Variants in PROSER2 observed in about 807,000 individuals in gnomAD.
PROSER2 encodes proline and serine rich 2, also known as proline and serine-rich protein 2.
Under a neutral mutation model 14.6 loss-of-function variants are expected in PROSER2, and 18 were observed. The ratio of observed to expected loss-of-function variants is 1.23; its 90% CI spans 0.85 to 1.83. The LOEUF (loss-of-function observed/expected upper bound fraction) is 1.83, where lower values mean the gene tolerates loss of function less well. Ranked by LOEUF, PROSER2 falls within the 40% of genes most tolerant of loss-of-function variation. The pLI is 0.00. For missense variants in PROSER2, 823 were observed against 629.8 expected (o/e 1.31, Z -3.28); for synonymous variants, 367 against 286.4 (o/e 1.28, Z -2.84).
Position 11,856,784 on chromosome 10 carries a change from A to G in PROSER2, c.138+4569A>G, listed in dbSNP as rs1374606835. Among the ~76,000 whole-genome samples, 3 of 152,206 alleles carry G rather than the reference A, an allele frequency of 2.0e-5. No individual in the cohort carries two copies. The highest frequency in any genetic ancestry group is 4.4e-5 in the Non-Finnish European group (3 of 68,040). ...CCCACACATGGCTCATGGACTAAGAAGGCATGGCAAGCACTGGGGGGCTTC... is the reference window on the plus strand; with the variant it reads ...CCCACACATGGCTCATGGACTAAGAGGGCATGGCAAGCACTGGGGGGCTTC... On this transcript the variant is annotated intron_variant, in intron 2 of 3. Coordinates refer to ENST00000277570, the MANE Select transcript of PROSER2 (RefSeq NM_153256.4). The surrounding 1 kb of genome is among the most constrained non-coding windows in gnomAD (Gnocchi z 5.3).
intron 1 of PROSER2, among the ~76,000 whole-genome samples, chr10:11,845,456 CCT>C (rs1443032788): frequency 2.7e-5 from 4 of 149,572 alleles, no homozygotes; most frequent in African/African-American, 9.7e-5. Flanking sequence ...CATCAGAATT[CCT>C]CTGTCTGTGA....
rs1438398739 is a variant in PROSER2, at chr10:11,868,622, G to A, written c.392-868G>A. 4.0e-5 allele frequency among the ~76,000 whole-genome samples: 6 copies of A among 150,314 alleles called. No homozygotes were observed. In the South Asian group the frequency reaches 8.4e-4, roughly 21 times the overall value. ...AGTACAGAAGAACATAAAAAGATAT[G>A]AATTTCAGGTTTTTTGTTTTTTGTT... On this transcript the variant is annotated intron_variant, in intron 3 of 3. Transcript: ENST00000277570.
At chr10:11,852,764 C>T (rs1472591837) in intron 2 of PROSER2, among the ~76,000 whole-genome samples, 1 of 151,072 alleles carries the variant, frequency 6.6e-6, no homozygotes, top group African/African-American at 2.4e-5. Context: ...TCTCGAACTC[C>T]GCCCACCTCA....
chr10:11,842,931 CTTTTTTTTTTTTT>C (rs558283551), intron 1 of PROSER2, among the ~76,000 whole-genome samples: 11 of 51,954 alleles, frequency 2.1e-4, no homozygotes, highest in East Asian at 5.3e-4. Context: ...TGCCATTGTT[CTTTTTTTTTTTTT>C]TTTTTTTTTT....
Position 11,837,296 on chromosome 10 carries a change from AAG to A in PROSER2, c.-82+13828_-82+13829del, listed in dbSNP as rs1833775373. 6.6e-6 allele frequency among the ~76,000 whole-genome samples: 1 copy of A among 152,206 alleles called. No homozygotes were observed. Among genetic ancestry groups the A allele is most frequent in the African/African-American group, 2.4e-5 (1 of 41,466 alleles). On this transcript the variant is annotated intron_variant, in intron 1 of 3. Coordinates refer to ENST00000277570, the MANE Select transcript of PROSER2 (RefSeq NM_153256.4). This position sits in a 1 kb window ranked among gnomAD's most constrained non-coding sequence, Gnocchi z 4.6. ...GTCTGTGAAGGTGTGAAGAAGGAAA[AAG>A]AAATTTATATTAGTTTTGCTGTCAC... is the stretch of plus-strand genomic sequence containing the variant.
At chr10:11,860,318 G>A (rs1010275737) in intron 2 of PROSER2, among the ~76,000 whole-genome samples, 14 of 152,170 alleles carry the variant, frequency 9.2e-5, no homozygotes, top group African/African-American at 3.1e-4. Context: ...AACTGGCTCG[G>A]TGAAAATGGA....
chr10:11,834,178 A>T (rs1393148803), intron 1 of PROSER2, among the ~76,000 whole-genome samples: 1 of 150,802 alleles, frequency 6.6e-6, no homozygotes, highest in Non-Finnish European at 1.5e-5. Context: ...TATTTTTAGT[A>T]AAGACAGGGT....
At chr10:11,864,218 C>T (rs1157664408) in intron 2 of PROSER2, among the ~76,000 whole-genome samples, 4 of 152,122 alleles carry the variant, frequency 2.6e-5, no homozygotes, top group African/African-American at 4.8e-5. Context: ...ACAATTTATC[C>T]GGGTTTTGAG....
intron 1 of PROSER2, among the ~76,000 whole-genome samples, chr10:11,840,590 A>G (rs1466435559): frequency 6.6e-6 from 1 of 151,580 alleles, no homozygotes; most frequent in Non-Finnish European, 1.5e-5. Flanking sequence ...CCTTTCTCAT[A>G]TATTCTTTGG....
At chr10:11,861,643 G>C (rs1834240711) in intron 2 of PROSER2, among the ~76,000 whole-genome samples, 1 of 152,182 alleles carries the variant, frequency 6.6e-6, no homozygotes, top group African/African-American at 2.4e-5. Flanking sequence ...ACAAACCATA[G>C]CCTGTGGCCC....
chr10:11,829,521 A>C (rs1020139134), intron 1 of PROSER2, among the ~76,000 whole-genome samples: 1 of 151,906 alleles, frequency 6.6e-6, no homozygotes, highest in Non-Finnish European at 1.5e-5. Context: ...GGTTGAGGCT[A>C]CAGTGAGCTG....
Position 11,847,810 on chromosome 10 carries a change from T to G in PROSER2, c.-81-4187T>G, listed in dbSNP as rs187954876. Among the ~76,000 whole-genome samples the G allele has an allele frequency of 3.4e-3, 525 of 152,378 alleles. 3 individuals carry two copies. The highest frequency in any genetic ancestry group is 6.8e-3 in the Middle Eastern group (2 of 294). On this transcript the variant is annotated intron_variant, in intron 1 of 3. Coordinates refer to ENST00000277570, the MANE Select transcript of PROSER2 (RefSeq NM_153256.4). ...ACGTCAGCCACTAAAACTCTAAAAC[T>G]TCGTGGATTCTTTCTCTTTGATCTC...
Position 11,871,665 on chromosome 10 carries a change from C to CGTT in PROSER2, c.*1260_*1262dup, listed in dbSNP as rs1444423153. The CGTT allele has an allele frequency of 6.6e-6, 1 of 152,168 alleles. No homozygotes were observed. The highest frequency in any genetic ancestry group is 1.5e-5 in the Non-Finnish European group (1 of 68,034). The allele number at this position is 152,168 out of a possible 1,614,324, so 9.4% of individuals were successfully genotyped here. ...CTTACACGCTGAGTTATGCCACAAG[C>CGTT]GTTATCATCAAAACTATTTAAGGCT... On this transcript the variant is annotated 3_prime_UTR_variant, in exon 4 of 4. Coordinates refer to ENST00000277570, the MANE Select transcript of PROSER2 (RefSeq NM_153256.4).
At chr10:11,849,186 CA>C (rs907565610) in intron 1 of PROSER2, among the ~76,000 whole-genome samples, 4 of 142,914 alleles carry the variant, frequency 2.8e-5, no homozygotes, top group Admixed American at 2.1e-4. Context: ...AACTCCGTCT[CA>C]AAAAAAAAAC....
At chr10:11,864,817 G>A (rs1190676693) in intron 2 of PROSER2, among the ~76,000 whole-genome samples, 1 of 152,080 alleles carries the variant, frequency 6.6e-6, no homozygotes, top group Non-Finnish European at 1.5e-5. Context: ...TCGAACTCTG[G>A]AGCTCGAGTG....
rs758849694 is a variant in PROSER2 at position 11,869,814 on chromosome 10, G to A, written c.716G>A (p.Gly239Asp). 24 of 1,563,652 alleles carry A rather than the reference G, an allele frequency of 1.5e-5. No homozygotes were observed. Among genetic ancestry groups the A allele is most frequent in the Non-Finnish European group, 2.1e-5 (24 of 1,157,800 alleles). ...AARGPRSGDP[G>D]PGPSHPAQPK... ...CGGGGGCCCCGCAGTGGAGACCCTG[G>A]CCCGGGGCCCAGCCACCCGGCGCAG... Residue 239 changes from glycine to aspartate, a missense_variant, in exon 4 of 4, where the codon GGC becomes GAC. Coordinates refer to ENST00000277570, the MANE Select transcript of PROSER2 (RefSeq NM_153256.4). The surrounding 1 kb of genome is among the most constrained non-coding windows in gnomAD (Gnocchi z 4.4).
Position 11,870,238 on chromosome 10 carries a change from TCAGAGCTTCCCCGGGCCCCGG to T in PROSER2, c.1144_1164del (p.Ser382_Gln388del), listed in dbSNP as rs1834454001. On this transcript the variant is annotated inframe_deletion, in exon 4 of 4. Coordinates refer to ENST00000277570, the MANE Select transcript of PROSER2 (RefSeq NM_153256.4). ...CGGCCCTGCCCAGCACGCGGGCCCG[TCAGAGCTTCCCCGGGCCCCGG>T]CAGCCCAACGGCGCCCAGGACTGGC... is the stretch of plus-strand genomic sequence containing the variant. The T allele has an allele frequency of 8.7e-6, 13 of 1,489,224 alleles. No homozygotes were observed. The highest frequency in any genetic ancestry group is 1.2e-5 in the Non-Finnish European group (13 of 1,127,488). The allele number at this position is 1,489,224 out of a possible 1,614,324, so 92.3% of individuals were successfully genotyped here. A position where few individuals can be genotyped will look rare whatever the true frequency, so the allele number is the denominator to read the frequency against.
chr10:11,872,063 CTG>C lies in PROSER2; in HGVS notation c.*1661_*1662del, dbSNP rs1242446149. On this transcript the variant is annotated 3_prime_UTR_variant, in exon 4 of 4. Transcript: ENST00000277570. ...GATTGGTTTAAAGGATTTATAAGGG[CTG>C]TGTTTGCTCTTTACAAGGCAAGATG... is the stretch of plus-strand genomic sequence containing the variant. The C allele has an allele frequency of 6.6e-6, 1 of 152,160 alleles. No homozygotes were observed. The highest frequency in any genetic ancestry group is 1.9e-4 in the East Asian group (1 of 5,192). The allele number at this position is 152,160 out of a possible 1,614,324, so 9.4% of individuals were successfully genotyped here. A position where few individuals can be genotyped will look rare whatever the true frequency, so the allele number is the denominator to read the frequency against.
intron 1 of PROSER2, among the ~76,000 whole-genome samples, chr10:11,829,936 T>G (rs1833669250): frequency 7.0e-6 from 1 of 142,862 alleles, no homozygotes; most frequent in South Asian, 2.4e-4. Flanking sequence ...CTCCACCTCC[T>G]GGGCTCAAGC....
Sources: gnomAD v4.1 joint callset for allele counts (sites outside exome capture counted in the v4.1 genomes callset) on GRCh38, gnomAD v4.1.1 for gene constraint, Gnocchi (gnomAD v3.1) non-coding constraint, MANE v1.5 for transcripts, NCBI Gene and HGNC (gene_info 2026-07-23, HGNC 2026-07-21) for gene names.